SLC25A27: variants seen among roughly 807,000 people sequenced by gnomAD.
SLC25A27 encodes the protein mitochondrial uncoupling protein 4.
Under a neutral mutation model 49.1 loss-of-function variants are expected in SLC25A27, and 35 were observed. That is an observed-to-expected ratio of 0.71 (90% CI 0.54 to 0.95). SLC25A27 has a LOEUF of 0.95. SLC25A27 is among the 40% of genes least tolerant of loss of function. SLC25A27 has a pLI of 0.00. For missense variants in SLC25A27, 339 were observed against 397.1 expected (o/e 0.85, Z 1.24); for synonymous variants, 144 against 136.9 (o/e 1.05, Z -0.36).
intron 1 of SLC25A27, chr6:46,654,083 A>G (rs1399504512): frequency 3.0e-6 from 3 of 984,374 alleles, no homozygotes; most frequent in Non-Finnish European, 1.2e-6. Flanking sequence ...GAGGCCATCT[A>G]GAGTGGAATG....
In SLC25A27 at chr6:46,653,235, C is replaced by A; in HGVS notation, c.43C>A (p.Gln15Lys). 1.2e-6 allele frequency: 2 copies of A among 1,613,754 alleles called. No homozygotes were observed. Among genetic ancestry groups the A allele is most frequent in the Non-Finnish European group, 1.7e-6 (2 of 1,179,772 alleles). ...GGAGGAGAGGCTTTTGCCGCTGACCCAGAGATGGCCCCGAGCGAGCAAATT... is the reference window on the plus strand; with the variant it reads ...GGAGGAGAGGCTTTTGCCGCTGACCAAGAGATGGCCCCGAGCGAGCAAATT... The part of the protein sequence containing the change: ...EEEERLLPLT[Q>K]RWPRASKFLL... Residue 15 changes from glutamine (Q) to lysine (K), a missense_variant, in exon 1 of 9, where the codon CAG (glutamine) becomes AAG (lysine). Coordinates refer to ENST00000371347, the MANE Select transcript of SLC25A27 (RefSeq NM_004277.5).
At chr6:46,668,558 C>T (rs1052955655) in intron 5 of SLC25A27, 151 bp from the exon 6 acceptor site, 1 of 524,196 alleles carries the variant, frequency 1.9e-6, no homozygotes, top group Admixed American at 3.4e-5. Flanking sequence ...TTTTCTCTCC[C>T]TCTATCTGTA....
intron 3 of SLC25A27, among the ~76,000 whole-genome samples, chr6:46,660,626 C>A (rs1763133255): frequency 6.6e-6 from 1 of 151,918 alleles, no homozygotes; most frequent in African/African-American, 2.4e-5. Context: ...ATATTTATGG[C>A]ATAACACAGC....
At chr6:46,664,712 C>A in intron 4 of SLC25A27, 62 bp from the exon 5 acceptor site, 3 of 793,696 alleles carry the variant, frequency 3.8e-6, no homozygotes, top group South Asian at 2.1e-5. Flanking sequence ...TGAAGCTTAT[C>A]CAGTTGAATT....
intron 5 of SLC25A27, among the ~76,000 whole-genome samples, chr6:46,665,834 G>A (rs1159345765): frequency 6.6e-6 from 1 of 152,086 alleles, no homozygotes; most frequent in Non-Finnish European, 1.5e-5. Flanking sequence ...CCTCAAATGT[G>A]TACCCGGTAT....
At chr6:46,670,489 T>A (rs189972864) in intron 7 of SLC25A27, 1 of 375,322 alleles carries the variant, frequency 2.7e-6, no homozygotes, top group East Asian at 6.6e-5. Context: ...GTTAAAAGCA[T>A]ATTCTGCTGA....
chr6:46,672,665 C>T (rs923772293), intron 8 of SLC25A27, among the ~76,000 whole-genome samples: 9 of 151,992 alleles, frequency 5.9e-5, no homozygotes, highest in East Asian at 1.9e-4. Flanking sequence ...TTTCCTAAAA[C>T]GGGGATCATC....
intron 4 of SLC25A27, among the ~76,000 whole-genome samples, chr6:46,664,337 A>AT (rs550091509): frequency 2.6e-4 from 40 of 152,164 alleles, no homozygotes; most frequent in Non-Finnish European, 5.7e-4. Flanking sequence ...TTAGTCTGTC[A>AT]TTTTTTATGA....
At chr6:46,658,799 A>C in intron 2 of SLC25A27, 163 bp from the exon 3 acceptor site, 1 of 629,694 alleles carries the variant, frequency 1.6e-6, no homozygotes, top group South Asian at 1.9e-5. Flanking sequence ...CCATTTGGAG[A>C]AGCATCAAGA....
At chr6:46,664,001 T>G (rs896720763) in intron 4 of SLC25A27, among the ~76,000 whole-genome samples, 29 of 152,238 alleles carry the variant, frequency 1.9e-4, no homozygotes, top group African/African-American at 7.0e-4. Flanking sequence ...TGATCATAAC[T>G]TCTCATGTAT....
intron 1 of SLC25A27, 148 bp downstream of exon 1, chr6:46,653,446 G>A (rs1762839715): frequency 2.8e-6 from 4 of 1,430,980 alleles, no homozygotes; most frequent in African/African-American, 3.0e-5. Context: ...TGGAGGCCAG[G>A]CCCGCGGTGG....
At chr6:46,660,602 A>G (rs1763132645) in intron 3 of SLC25A27, among the ~76,000 whole-genome samples, 1 of 152,168 alleles carries the variant, frequency 6.6e-6, no homozygotes, top group Non-Finnish European at 1.5e-5. Context: ...GGAAGCAGTT[A>G]AGTAGGTTAT....
chr6:46,655,819 TCCCTGCA>T lies in SLC25A27; in HGVS notation c.107-23_107-17del. The T allele has an allele frequency of 6.2e-7, 1 of 1,605,326 alleles. No homozygotes were observed. Among genetic ancestry groups the T allele is most frequent in the Non-Finnish European group, 8.5e-7 (1 of 1,175,436 alleles). ...TGTTTCTCTGAATGTTGTGGGTTTT[TCCCTGCA>T]TTTGTGTTTTTGTTAGCAACCTTTC... is the stretch of plus-strand genomic sequence containing the variant. On this transcript the variant is annotated splice_polypyrimidine_tract_variant and intron_variant, in intron 1 of 8. Coordinates refer to ENST00000371347, the MANE Select transcript of SLC25A27 (RefSeq NM_004277.5).
rs1477520586 is a variant in SLC25A27 at position 46,668,725 on chromosome 6, T to C, written c.636T>C (p.Asp212=). The C allele has an allele frequency of 7.5e-6, 12 of 1,601,470 alleles. No homozygotes were observed. Among genetic ancestry groups the C allele is most frequent in the Non-Finnish European group, 8.6e-6 (10 of 1,169,206 alleles). Residue 212 remains aspartate (D), a synonymous_variant, in exon 6 of 9, where the codon GAT becomes GAC. Coordinates refer to ENST00000371347, the MANE Select transcript of SLC25A27 (RefSeq NM_004277.5). ...CATTGCCAGATTTAACCACTTATGA[T>C]ACAGTGAAACACTACTTGGTATTGA... is the stretch of plus-strand genomic sequence containing the variant. ...LVNMGDLTTY[D]TVKHYLVLNT...
chr6:46,659,432 TACAA>T (rs754200145), intron 3 of SLC25A27, among the ~76,000 whole-genome samples: 2 of 152,174 alleles, frequency 1.3e-5, no homozygotes, highest in African/African-American at 4.8e-5. Flanking sequence ...ATAGAAGTAA[TACAA>T]ACCATTAAGT....
intron 2 of SLC25A27, among the ~76,000 whole-genome samples, chr6:46,657,529 TAGC>T (rs1246314170): frequency 6.6e-6 from 1 of 152,112 alleles, no homozygotes; most frequent in Non-Finnish European, 1.5e-5. Flanking sequence ...GCAAAAATGT[TAGC>T]AGTTAATAAA....
chr6:46,661,670 T>G (rs896596687), intron 3 of SLC25A27, among the ~76,000 whole-genome samples: 1 of 152,162 alleles, frequency 6.6e-6, no homozygotes, highest in Non-Finnish European at 1.5e-5. Flanking sequence ...TCCCACTGAT[T>G]AGTTGTGTGA....
intron 4 of SLC25A27, 145 bp downstream of exon 4, chr6:46,662,643 C>G: frequency 1.3e-6 from 1 of 799,788 alleles, no homozygotes. Context: ...AAGAGGAACA[C>G]TAAGCTGGAT....
In SLC25A27 at chr6:46,658,945, T is replaced by G; in HGVS notation, c.299-17T>G. 1 of 1,583,094 alleles carries G rather than the reference T, an allele frequency of 6.3e-7. No homozygotes were observed. The highest frequency in any genetic ancestry group is 8.7e-7 in the Non-Finnish European group (1 of 1,151,664). ...CATATAGCCAAAGTTACCTTTTTAA[T>G]GATCTTTTTTACCCAGTGTATTCTG... On this transcript the variant is annotated splice_polypyrimidine_tract_variant and intron_variant, in intron 2 of 8. Transcript: ENST00000371347.
Sources: allele counts gnomAD v4.1 joint callset (sites outside exome capture counted in the v4.1 genomes callset), GRCh38; gene constraint gnomAD v4.1.1; transcripts MANE v1.5; gene names NCBI Gene and HGNC (gene_info 2026-07-23, HGNC 2026-07-21).